The following GTF2H5 variants were observed in gnomAD, a reference collection of about 807,000 sequenced individuals.
GTF2H5 encodes general transcription factor IIH subunit 5, also known as TFB5 ortholog.
Under a neutral mutation model 7.1 loss-of-function variants are expected in GTF2H5, and 5 were observed. The observed-to-expected ratio is 0.71, with a 90% CI of 0.37 to 1.49. GTF2H5 has a LOEUF of 1.49. GTF2H5 is among the 40% of genes most tolerant of loss of function. GTF2H5 has a pLI of 0.03. For synonymous variants in GTF2H5, 30 were observed against 31.7 expected, an observed-to-expected ratio of 0.95 and a Z score of 0.18; for missense variants, 80 against 83.0, an observed-to-expected ratio of 0.96 and a Z score of 0.14.
At chr6:158,180,115 G>A (rs1430523622) in intron 2 of GTF2H5, among the ~76,000 whole-genome samples, 4 of 152,078 alleles carry the variant, frequency 2.6e-5, no homozygotes, top group African/African-American at 7.2e-5. Context: ...GGCCTTTTCC[G>A]CATCTTTTGA....
intron 2 of GTF2H5, among the ~76,000 whole-genome samples, chr6:158,185,014 A>G (rs1455003020): frequency 6.6e-6 from 1 of 151,844 alleles, no homozygotes; most frequent in East Asian, 1.9e-4. Context: ...AAGTATGTAT[A>G]TATGCTCTTG....
intron 2 of GTF2H5, among the ~76,000 whole-genome samples, chr6:158,177,118 G>A (rs911391134): frequency 6.6e-6 from 1 of 152,138 alleles, no homozygotes; most frequent in Non-Finnish European, 1.5e-5. Context: ...CAGATTTTGG[G>A]GTGCCTGTTC....
rs1476829486 is a variant in GTF2H5, at chr6:158,195,086, A to AT, written c.*2930dup. 6.6e-6 allele frequency: 1 copy of AT among 152,110 alleles called. No individual in the cohort carries two copies. The highest frequency in any genetic ancestry group is 2.4e-5 in the African/African-American group (1 of 41,406). The allele number at this position is 152,110 out of a possible 1,614,324, so 9.4% of individuals were successfully genotyped here. A position where few individuals can be genotyped will look rare whatever the true frequency, so the allele number is the denominator to read the frequency against. ...TCTGACTAGCATTATTTGATTTGGC[A>AT]TACTTTACATGTCCAGAACAAGGCT... On this transcript the variant is annotated 3_prime_UTR_variant, in exon 3 of 3. Transcript: ENST00000607778.
chr6:158,188,035 G>A (rs939807962), intron 2 of GTF2H5, among the ~76,000 whole-genome samples: 53 of 152,176 alleles, frequency 3.5e-4, no homozygotes, highest in Admixed American at 2.6e-4. Flanking sequence ...GGCAGATGGG[G>A]GGTGGGGTGC....
intron 2 of GTF2H5, among the ~76,000 whole-genome samples, chr6:158,171,517 G>A (rs1785855934): frequency 6.6e-6 from 1 of 152,194 alleles, no homozygotes; most frequent in Non-Finnish European, 1.5e-5. Flanking sequence ...CTGGAGGGAG[G>A]AAAGCCAAAG....
chr6:158,178,721 G>T (rs1024327240), intron 2 of GTF2H5, among the ~76,000 whole-genome samples: 2 of 152,038 alleles, frequency 1.3e-5, no homozygotes, highest in African/African-American at 4.8e-5. Context: ...TTGTAAATTT[G>T]TTTAAGTTCT....
chr6:158,176,201 A>C (rs6929766), intron 2 of GTF2H5, among the ~76,000 whole-genome samples: 9,240 of 152,176 alleles, frequency 0.061, 949 homozygotes, highest in African/African-American at 0.21. Flanking sequence ...CTATCTCTCC[A>C]TTATAAAACT....
chr6:158,188,837 C>T (rs528475086), intron 2 of GTF2H5, among the ~76,000 whole-genome samples: 8 of 151,968 alleles, frequency 5.3e-5, no homozygotes, highest in Non-Finnish European at 8.8e-5. Context: ...CCTTATATGC[C>T]GATTTTTCCT....
rs1188597359 is a variant in GTF2H5 at position 158,169,699 on chromosome 6, A to ATT, written c.-34-771_-34-770insTT. On this transcript the variant is annotated intron_variant, in intron 1 of 2. Coordinates refer to ENST00000607778, the MANE Select transcript of GTF2H5 (RefSeq NM_207118.3). ...ATATAATATATAATATATATTATATAATATATTGTATATTATATATTATAT... is the reference window on the plus strand; with the variant it reads ...ATATAATATATAATATATATTATATATTATATATTGTATATTATATATTATAT... 7.9e-5 allele frequency among the ~76,000 whole-genome samples: 7 copies of ATT among 88,360 alleles called. 2 individuals are homozygous for ATT. Among genetic ancestry groups the ATT allele is most frequent in the African/African-American group, 3.4e-4 (7 of 20,470 alleles). 58.0% of individuals were successfully genotyped at this position (88,360 alleles called of 152,430 possible).
At chr6:158,175,577 A>G (rs1785923040) in intron 2 of GTF2H5, among the ~76,000 whole-genome samples, 1 of 152,216 alleles carries the variant, frequency 6.6e-6, no homozygotes, top group Non-Finnish European at 1.5e-5. Flanking sequence ...CAGCCTGGCC[A>G]ACATGGTAAA....
chr6:158,175,010 A>ATGTGTGTGTGTGTGTGTGTGTG (rs200557393), intron 2 of GTF2H5, among the ~76,000 whole-genome samples: 1 of 138,246 alleles, frequency 7.2e-6, no homozygotes, highest in African/African-American at 2.9e-5. Context: ...TGTGCCTGAG[A>ATGTGTGTGTGTGTGTGTGTGTG]TGTGTGTGTG....
At chr6:158,172,406 T>G (rs1785870643) in intron 2 of GTF2H5, among the ~76,000 whole-genome samples, 1 of 151,990 alleles carries the variant, frequency 6.6e-6, no homozygotes, top group African/African-American at 2.4e-5. Flanking sequence ...GCGATACTGC[T>G]GCCTCAGCTG....
chr6:158,187,671 C>T (rs932166956), intron 2 of GTF2H5, among the ~76,000 whole-genome samples: 1 of 151,956 alleles, frequency 6.6e-6, no homozygotes, highest in African/African-American at 2.4e-5. Context: ...AGGTTCATGC[C>T]ATTCTCCTGC....
chr6:158,170,325 CTT>C (rs1785837574), intron 1 of GTF2H5, 143 bp from the exon 2 acceptor site: 1 of 607,710 alleles, frequency 1.6e-6, no homozygotes, highest in Non-Finnish European at 2.9e-6. Flanking sequence ...ATCAGAATGT[CTT>C]TTTTCTTAAT....
Position 158,170,471 on chromosome 6 carries a change from A to C in GTF2H5, c.-33A>C. ...ATGTTACCTTACTCTTTTTATTAGCATTCTTCAGGTCATCTGAACCTTCTG... is the reference window on the plus strand; with the variant it reads ...ATGTTACCTTACTCTTTTTATTAGCCTTCTTCAGGTCATCTGAACCTTCTG... On this transcript the variant is annotated splice_region_variant and 5_prime_UTR_variant, in exon 2 of 3. Coordinates refer to ENST00000607778, the MANE Select transcript of GTF2H5 (RefSeq NM_207118.3). The C allele has an allele frequency of 4.5e-6, 7 of 1,565,982 alleles. No homozygotes were observed. Among genetic ancestry groups the C allele is most frequent in the Non-Finnish European group, 6.2e-6 (7 of 1,136,052 alleles).
chr6:158,194,301 T>G lies in GTF2H5; in HGVS notation c.*2144T>G, dbSNP rs1460595623. On this transcript the variant is annotated 3_prime_UTR_variant, in exon 3 of 3. Transcript: ENST00000607778. ...CGAATTTAAAAGTCCTTTATTTAGCTGGCAGCCAAGAGGTGGCTCACACTT... is the reference window on the plus strand; with the variant it reads ...CGAATTTAAAAGTCCTTTATTTAGCGGGCAGCCAAGAGGTGGCTCACACTT... 1 of 152,188 alleles carries G rather than the reference T, an allele frequency of 6.6e-6. No individual in the cohort carries two copies. Among genetic ancestry groups the G allele is most frequent in the Non-Finnish European group, 1.5e-5 (1 of 68,030 alleles). 9.4% of individuals were successfully genotyped at this position (152,188 alleles called of 1,614,324 possible).
Position 158,199,313 on chromosome 6 carries a change from CT to C in GTF2H5, c.*7157del, listed in dbSNP as rs1176815301. ...TGGGACAAGCATGTACATGCACCCC[CT>C]GAGTCTAAAATAAAAATTTTAAAAA... On this transcript the variant is annotated 3_prime_UTR_variant, in exon 3 of 3. Transcript: ENST00000607778. 2.0e-5 allele frequency: 3 copies of C among 152,154 alleles called. No homozygotes were observed. The highest frequency in any genetic ancestry group is 4.4e-5 in the Non-Finnish European group (3 of 68,040). 9.4% of individuals were successfully genotyped at this position (152,154 alleles called of 1,614,324 possible).
At chr6:158,187,098 G>A (rs1421247983) in intron 2 of GTF2H5, among the ~76,000 whole-genome samples, 1 of 151,950 alleles carries the variant, frequency 6.6e-6, no homozygotes, top group Non-Finnish European at 1.5e-5. Flanking sequence ...GGGTTCAAGC[G>A]ATTCTCCTTC....
Position 158,172,382 on chromosome 6 carries a change from G to A in GTF2H5, c.35+1844G>A, listed in dbSNP as rs115830650. 2.6e-3 allele frequency among the ~76,000 whole-genome samples: 394 copies of A among 151,618 alleles called. 2 individuals carry two copies. The highest frequency in any genetic ancestry group is 9.1e-3 in the African/African-American group (378 of 41,382). ...GTTGGAGTGCAGTGGCGCGATCTTGGCTCCTGGATTCAAGCGATACTGCTG... is the reference window on the plus strand; with the variant it reads ...GTTGGAGTGCAGTGGCGCGATCTTGACTCCTGGATTCAAGCGATACTGCTG... On this transcript the variant is annotated intron_variant, in intron 2 of 2. Transcript: ENST00000607778.
Sources: allele counts gnomAD v4.1 joint callset (sites outside exome capture counted in the v4.1 genomes callset), GRCh38; gene constraint gnomAD v4.1.1; transcripts MANE v1.5; gene names NCBI Gene and HGNC (gene_info 2026-07-23, HGNC 2026-07-21).